Variants in CAMK2B observed in about 807,000 individuals in gnomAD.
CAMK2B encodes the protein calcium/calmodulin dependent protein kinase II beta.
Under a neutral mutation model 93.7 loss-of-function variants are expected in CAMK2B, and 27 were observed. The observed-to-expected ratio is 0.29, with a 90% CI of 0.21 to 0.40. The LOEUF (loss-of-function observed/expected upper bound fraction) is 0.40. Among genes scored for constraint, CAMK2B ranks in the 10% least tolerant of loss-of-function variants. CAMK2B has a pLI of 1.00. For missense variants in CAMK2B, 568 were observed against 895.8 expected (o/e 0.63, Z 4.67); for synonymous variants, 374 against 358.8 (o/e 1.04, Z -0.48).
In CAMK2B at chr7:44,242,256, T is replaced by C; in HGVS notation, c.781A>G (p.Ile261Val). Residue 261 changes from isoleucine to valine, a missense_variant, in exon 10 of 24, where the codon ATC (isoleucine) becomes GTC (valine). Transcript: ENST00000395749. ...QMLTINPAKR[I>V]TAHEALKHPW... ...TGCTTCAGGGCCTCATGGGCTGTGA[T>C]GCGCTTGGCAGGGTTGATGGTCAGC... 1 of 1,614,064 alleles carries C rather than the reference T, an allele frequency of 6.2e-7. No individual in the cohort carries two copies. The highest frequency in any genetic ancestry group is 8.5e-7 in the Non-Finnish European group (1 of 1,179,924).
intron 23 of CAMK2B, 101 bp from the exon 24 acceptor site, chr7:44,219,623 C>A: frequency 5.5e-6 from 1 of 183,222 alleles, no homozygotes; most frequent in Non-Finnish European, 1.1e-5. Context: ...GGTTAAAGTC[C>A]AGAAAAGGGC....
chr7:44,288,755 AGTTCTGG>A (rs1221202195), intron 1 of CAMK2B, among the ~76,000 whole-genome samples: 1 of 152,154 alleles, frequency 6.6e-6, no homozygotes, highest in African/African-American at 2.4e-5. Flanking sequence ...GGGAAGAATT[AGTTCTGG>A]GTGGGAATGG....
chr7:44,282,951 G>A (rs1045165045), intron 2 of CAMK2B, among the ~76,000 whole-genome samples: 2 of 152,312 alleles, frequency 1.3e-5, no homozygotes, highest in African/African-American at 4.8e-5. Flanking sequence ...GGAGGGGAGG[G>A]GCTCAGAGAG....
intron 3 of CAMK2B, among the ~76,000 whole-genome samples, chr7:44,259,154 A>T (rs1319091971): frequency 2.6e-5 from 4 of 152,166 alleles, no homozygotes; most frequent in Admixed American, 6.5e-5. Flanking sequence ...GCCTCAGGGC[A>T]GTGCCACTGC....
intron 5 of CAMK2B, among the ~76,000 whole-genome samples, chr7:44,253,760 A>AC (rs2096803271): frequency 6.6e-6 from 1 of 151,720 alleles, no homozygotes; most frequent in Admixed American, 6.6e-5. Flanking sequence ...ATGCCTGGCT[A>AC]CTTTTTTTTA....
intron 16 of CAMK2B, 91 bp from the exon 17 acceptor site, chr7:44,231,145 A>G: frequency 2.6e-6 from 2 of 781,226 alleles, no homozygotes; most frequent in Non-Finnish European, 3.9e-6. Context: ...GGCCTGTGTC[A>G]GGACCAGCCC....
At chr7:44,249,773 T>C (rs1400528135) in intron 5 of CAMK2B, among the ~76,000 whole-genome samples, 1 of 152,176 alleles carries the variant, frequency 6.6e-6, no homozygotes, top group Non-Finnish European at 1.5e-5. Context: ...CGACCTTCTT[T>C]CAGCCTCAGA....
intron 1 of CAMK2B, among the ~76,000 whole-genome samples, chr7:44,316,085 A>C (rs1354999541): frequency 6.6e-6 from 1 of 152,142 alleles, no homozygotes; most frequent in African/African-American, 2.4e-5. Flanking sequence ...AGAATCTCCT[A>C]TACCGTGCTG....
At position 44,260,313 on chromosome 7, in the gene CAMK2B, C is replaced by A. The variant is rs139973636; in HGVS notation, c.221-1387G>T. Among the ~76,000 whole-genome samples, 1,212 of 152,316 alleles carry A rather than the reference C, an allele frequency of 8.0e-3. 8 individuals carry two copies. Among genetic ancestry groups the A allele is most frequent in the Non-Finnish European group, 0.013 (856 of 68,028 alleles). On this transcript the variant is annotated intron_variant, in intron 3 of 23. Coordinates refer to ENST00000395749, the MANE Select transcript of CAMK2B (RefSeq NM_001220.5). Reference sequence around the variant, plus strand: ...GGGGCCCAGCCTGATAGCGTCCTTACATCCAGGAACTCCATGTGGCTTCTG... The same window carrying A: ...GGGGCCCAGCCTGATAGCGTCCTTAAATCCAGGAACTCCATGTGGCTTCTG...
intron 5 of CAMK2B, 170 bp from the exon 6 acceptor site, chr7:44,247,362 C>A: frequency 1.5e-6 from 1 of 648,100 alleles, no homozygotes; most frequent in Middle Eastern, 4.0e-4. Context: ...TCTTCCTCAC[C>A]TCCAAGGCCA....
chr7:44,293,813 G>T (rs1787526696), intron 1 of CAMK2B, among the ~76,000 whole-genome samples: 2 of 152,118 alleles, frequency 1.3e-5, no homozygotes, highest in African/African-American at 4.8e-5. Context: ...TAATAGTACT[G>T]GTCCGTGGCC....
intron 1 of CAMK2B, among the ~76,000 whole-genome samples, chr7:44,310,022 G>A (rs899333970): frequency 2.0e-5 from 3 of 152,248 alleles, no homozygotes; most frequent in Non-Finnish European, 4.4e-5. Context: ...CACCGCCAGG[G>A]ACCCCAGGCT....
chr7:44,258,417 CCA>C (rs905592254), intron 4 of CAMK2B, among the ~76,000 whole-genome samples: 1 of 152,272 alleles, frequency 6.6e-6, no homozygotes, highest in Non-Finnish European at 1.5e-5. Flanking sequence ...GTGCAAACAC[CCA>C]CACACATACA....
chr7:44,288,001 A>G (rs1785605477), intron 1 of CAMK2B, among the ~76,000 whole-genome samples: 1 of 152,198 alleles, frequency 6.6e-6, no homozygotes, highest in Admixed American at 6.5e-5. Flanking sequence ...CCTACAAGCA[A>G]CACAGTGGGC....
intron 8 of CAMK2B, among the ~76,000 whole-genome samples, chr7:44,242,968 CTT>C (rs921257936): frequency 6.6e-6 from 1 of 152,220 alleles, no homozygotes; most frequent in Non-Finnish European, 1.5e-5. Flanking sequence ...CCTGACCTCT[CTT>C]CTCCACTCCC....
chr7:44,250,641 T>G (rs1038512749), intron 5 of CAMK2B, among the ~76,000 whole-genome samples: 13 of 151,150 alleles, frequency 8.6e-5, no homozygotes, highest in African/African-American at 2.9e-4. Flanking sequence ...GCGATTCTCC[T>G]GCCTCAACCT....
chr7:44,235,588 G>A (rs1349806667), intron 13 of CAMK2B, among the ~76,000 whole-genome samples: 2 of 152,276 alleles, frequency 1.3e-5, no homozygotes, highest in Non-Finnish European at 2.9e-5. Flanking sequence ...GGAAGAGAGA[G>A]AGAGAAAACA....
chr7:44,240,673 G>C, intron 12 of CAMK2B, 34 bp downstream of exon 12: 1 of 1,611,560 alleles, frequency 6.2e-7, no homozygotes, highest in Non-Finnish European at 8.5e-7. Flanking sequence ...CAGGGAGGGG[G>C]CAGCGCCTGT....
rs995309809 is a variant in CAMK2B at position 44,225,562 on chromosome 7, G to T, written c.1597+954C>A. Among the ~76,000 whole-genome samples the T allele has an allele frequency of 6.6e-6, 1 of 152,206 alleles. No individual in the cohort carries two copies. Among genetic ancestry groups the T allele is most frequent in the South Asian group, 2.1e-4 (1 of 4,814 alleles). ...TCTGGGGGTGAGTACCCCTCCAGGGGCTGCCCCCTGCTCTCTCGGGCACCC... is the reference window on the plus strand; with the variant it reads ...TCTGGGGGTGAGTACCCCTCCAGGGTCTGCCCCCTGCTCTCTCGGGCACCC... On this transcript the variant is annotated intron_variant, in intron 20 of 23. Transcript: ENST00000395749. This position sits in a 1 kb window ranked among gnomAD's most constrained non-coding sequence, Gnocchi z 5.0.
Sources: allele counts gnomAD v4.1 joint callset (sites outside exome capture counted in the v4.1 genomes callset), GRCh38; gene constraint gnomAD v4.1.1; non-coding constraint Gnocchi (gnomAD v3.1); transcripts MANE v1.5; gene names NCBI Gene and HGNC (gene_info 2026-07-23, HGNC 2026-07-21).